RALGAPA2: variants seen among roughly 807,000 people sequenced by gnomAD.
RALGAPA2 encodes the protein Ral GTPase activating protein catalytic subunit alpha 2.
A neutral mutation model predicts 230.4 loss-of-function variants in RALGAPA2; 139 were observed. The observed-to-expected ratio is 0.60, with a 90% confidence interval of 0.53 to 0.69. RALGAPA2 has a LOEUF of 0.69. Ranked by LOEUF, RALGAPA2 falls within the 30% of genes least tolerant of loss-of-function variation. RALGAPA2 has a pLI of 0.00. For missense variants in RALGAPA2, 2,163 were observed against 2,276.0 expected, an observed-to-expected ratio of 0.95 and a Z score of 1.01; for synonymous variants, 847 against 837.8, an observed-to-expected ratio of 1.01 and a Z score of -0.19.
chr20:20,663,317 T>A (rs984937196), intron 3 of RALGAPA2, among the ~76,000 whole-genome samples: 6 of 152,184 alleles, frequency 3.9e-5, no homozygotes, highest in Admixed American at 1.3e-4. Flanking sequence ...TCCTCCCTTA[T>A]GCTAGGGAGA....
intron 37 of RALGAPA2, among the ~76,000 whole-genome samples, chr20:20,465,149 T>TCTCTCACACACA (rs1556066770): frequency 4.6e-5 from 5 of 109,210 alleles, no homozygotes; most frequent in Admixed American, 2.0e-4. Context: ...CCGCAGGCCT[T>TCTCTCACACACA]CACACACACA....
chr20:20,623,587 G>A (rs73292797), intron 10 of RALGAPA2, among the ~76,000 whole-genome samples: 1,685 of 151,752 alleles, frequency 0.011, 29 homozygotes, highest in African/African-American at 0.039. Flanking sequence ...ATGCAGCCAG[G>A]GGAGATGGGA....
intron 3 of RALGAPA2, among the ~76,000 whole-genome samples, chr20:20,667,963 G>T (rs2068013502): frequency 6.6e-6 from 1 of 152,258 alleles, no homozygotes; most frequent in South Asian, 2.1e-4. Flanking sequence ...CCTCAGCCAA[G>T]GGCACTCTGG....
At chr20:20,451,801 T>C (rs2060994829) in intron 37 of RALGAPA2, among the ~76,000 whole-genome samples, 1 of 152,254 alleles carries the variant, frequency 6.6e-6, no homozygotes, top group Non-Finnish European at 1.5e-5. Context: ...GACATTTTAA[T>C]ATAAATTTAT....
intron 3 of RALGAPA2, among the ~76,000 whole-genome samples, chr20:20,657,538 GCC>G (rs1367980213): frequency 6.6e-6 from 1 of 152,134 alleles, no homozygotes; most frequent in Non-Finnish European, 1.5e-5. Flanking sequence ...TAAGAGACGG[GCC>G]CCCTACTTGA....
intron 16 of RALGAPA2, among the ~76,000 whole-genome samples, chr20:20,596,504 C>T (rs907413271): frequency 6.6e-6 from 1 of 152,138 alleles, no homozygotes; most frequent in African/African-American, 2.4e-5. Flanking sequence ...AAATTCAATA[C>T]TCTAATGTGC....
chr20:20,472,918 C>T lies in RALGAPA2; in HGVS notation c.5406G>A (p.Val1802=). 1 of 1,612,854 alleles carries T rather than the reference C, an allele frequency of 6.2e-7. No homozygotes were observed. Among genetic ancestry groups the T allele is most frequent in the Non-Finnish European group, 8.5e-7 (1 of 1,179,510 alleles). Residue 1802 remains valine (V), a synonymous_variant, in exon 37 of 40, where the codon GTG becomes GTA. Coordinates refer to ENST00000202677, the MANE Select transcript of RALGAPA2 (RefSeq NM_020343.4). The part of the protein sequence containing the change: ...FFGPLFDGAI[V]SGKLLPSLVC... ...CAAGGCTTGGCAGCAGCTTCCCACT[C>T]ACTATGGCTCCATCAAACAGAGGCC...
intron 36 of RALGAPA2, among the ~76,000 whole-genome samples, chr20:20,494,478 G>A (rs1602537898): frequency 6.6e-6 from 1 of 152,182 alleles, no homozygotes; most frequent in Admixed American, 6.5e-5. Flanking sequence ...GACAAGGATC[G>A]AAACTGCAGC....
At position 20,605,391 on chromosome 20, in the gene RALGAPA2, G is replaced by A. The variant is rs374675599; in HGVS notation, c.1822C>T (p.Arg608Ter). 1.4e-5 allele frequency: 22 copies of A among 1,613,318 alleles called. No individual in the cohort carries two copies. The highest frequency in any genetic ancestry group is 1.6e-4 in the Middle Eastern group (1 of 6,082). ...LFRTLMVAWI[R>*]ANLCVYISRE... ...GAAATGTACACACAGAGGTTTGCTCGGATCCAAGCTACCATGAGCGTCTAA... is the reference window on the plus strand; with the variant it reads ...GAAATGTACACACAGAGGTTTGCTCAGATCCAAGCTACCATGAGCGTCTAA... The change falls in exon 15 of 40, where the codon CGA becomes TGA. Residue 608 changes from arginine (R) to a stop codon, truncating the protein, a stop_gained. Coordinates refer to ENST00000202677, the MANE Select transcript of RALGAPA2 (RefSeq NM_020343.4). LOFTEE classifies it high-confidence loss of function.
Position 20,605,216 on chromosome 20 carries a change from T to C in RALGAPA2, c.1997A>G (p.Asp666Gly). Residue 666 changes from aspartate (D) to glycine (G), a missense_variant, in exon 15 of 40, where the codon GAT becomes GGT. Asp to Gly is a moderately conservative substitution (Grantham distance 94). Transcript: ENST00000202677. ...CTTTTCCTTTTGTTCACTTAATTTA[T>C]CCAGAGGTAGGTTTGTCATCTCAAC... The part of the protein sequence containing the change: ...YGVEMTNLPL[D>G]KLSEQKEKKQ... 1.2e-6 allele frequency: 2 copies of C among 1,613,650 alleles called. No homozygotes were observed. Among genetic ancestry groups the C allele is most frequent in the Non-Finnish European group, 1.7e-6 (2 of 1,179,656 alleles).
At chr20:20,692,069 C>G (rs1331275741) in intron 1 of RALGAPA2, among the ~76,000 whole-genome samples, 1 of 152,110 alleles carries the variant, frequency 6.6e-6, no homozygotes, top group Non-Finnish European at 1.5e-5. Context: ...CTAAGGCCCT[C>G]AAAAGAGGAA....
At chr20:20,404,082 T>C (rs1362913267) in intron 38 of RALGAPA2, among the ~76,000 whole-genome samples, 1 of 147,170 alleles carries the variant, frequency 6.8e-6, no homozygotes, top group Non-Finnish European at 1.5e-5. Context: ...TTTTATTGTC[T>C]CATATTCTTG....
At chr20:20,652,261 G>C (rs796325974) in intron 4 of RALGAPA2, among the ~76,000 whole-genome samples, 2 of 152,016 alleles carry the variant, frequency 1.3e-5, no homozygotes, top group African/African-American at 4.8e-5. Flanking sequence ...CCACAACTTT[G>C]TACATATTGA....
intron 31 of RALGAPA2, among the ~76,000 whole-genome samples, chr20:20,515,725 C>A (rs953369574): frequency 6.6e-6 from 1 of 152,188 alleles, no homozygotes; most frequent in African/African-American, 2.4e-5. Flanking sequence ...TCACAGGGGA[C>A]CTTGGGGAAG....
intron 20 of RALGAPA2, among the ~76,000 whole-genome samples, chr20:20,582,560 T>A (rs545390954): frequency 1.4e-4 from 22 of 152,118 alleles, no homozygotes; most frequent in African/African-American, 5.3e-4. Flanking sequence ...GAAATTAGTA[T>A]AAAAACAAAT....
At chr20:20,707,085 G>A (rs866656650) in intron 1 of RALGAPA2, among the ~76,000 whole-genome samples, 21 of 151,984 alleles carry the variant, frequency 1.4e-4, no homozygotes, top group Non-Finnish European at 2.2e-4. Flanking sequence ...CATCTTCCCC[G>A]TCCTTGCCCA....
At chr20:20,705,991 C>A (rs1480535269) in intron 1 of RALGAPA2, among the ~76,000 whole-genome samples, 1 of 152,152 alleles carries the variant, frequency 6.6e-6, no homozygotes, top group African/African-American at 2.4e-5. Flanking sequence ...ATAAAAAATT[C>A]TCTATAGTTT....
At chr20:20,692,889 G>A (rs894747216) in intron 1 of RALGAPA2, among the ~76,000 whole-genome samples, 13 of 152,130 alleles carry the variant, frequency 8.5e-5, no homozygotes, top group African/African-American at 3.1e-4. Context: ...CTTTTTATAG[G>A]AGAAAGAAAT....
intron 38 of RALGAPA2, among the ~76,000 whole-genome samples, chr20:20,399,180 A>G (rs1014471458): frequency 6.6e-6 from 1 of 152,096 alleles, no homozygotes. Flanking sequence ...TCCTGTCTCT[A>G]CTAAAAATAC....
Sources: allele counts gnomAD v4.1 joint callset (sites outside exome capture counted in the v4.1 genomes callset), GRCh38; gene constraint gnomAD v4.1.1; transcripts MANE v1.5; gene names NCBI Gene and HGNC (gene_info 2026-07-23, HGNC 2026-07-21).